Variants in ACTR2 observed in about 807,000 individuals in gnomAD.
ACTR2 encodes the protein actin-related protein 2.
Under a neutral mutation model 50.2 loss-of-function variants are expected in ACTR2, and 5 were observed. That is an observed-to-expected ratio of 0.10 (90% CI 0.05 to 0.21). The LOEUF (loss-of-function observed/expected upper bound fraction) is 0.21, where lower values mean the gene tolerates loss of function less well. Among genes scored for constraint, ACTR2 ranks in the 10% least tolerant of loss-of-function variants. The pLI is 1.00. For missense variants in ACTR2, 180 were observed against 480.6 expected, an observed-to-expected ratio of 0.37 and a Z score of 5.85; for synonymous variants, 140 against 162.9, an observed-to-expected ratio of 0.86 and a Z score of 1.07.
In ACTR2 at chr2:65,254,349, G is replaced by A. The variant is rs999795549; in HGVS notation, c.585+485G>A. The stretch of plus-strand genomic sequence containing the variant: ...TATTTGAGGAAAACAGCCCAAATAC[G>A]CCAGACTTTAATATTTAGTAGTTTT... On this transcript the variant is annotated intron_variant, in intron 5 of 8. Coordinates refer to ENST00000260641, the MANE Select transcript of ACTR2 (RefSeq NM_005722.4). 3.3e-5 allele frequency among the ~76,000 whole-genome samples: 5 copies of A among 152,062 alleles called. 1 individual carries two copies. In the East Asian group the frequency reaches 9.6e-4, roughly 29 times the overall value.
In ACTR2 at chr2:65,255,600, G is replaced by A; in HGVS notation, c.641G>A (p.Arg214His). 2 of 1,613,952 alleles carry A rather than the reference G, an allele frequency of 1.2e-6. No homozygotes were observed. Among genetic ancestry groups the A allele is most frequent in the South Asian group, 1.1e-5 (1 of 91,080 alleles). ...FNHSADFETV[R>H]MIKEKLCYVG... is the part of the protein sequence containing the mutation. ...CACTCTGCTGATTTTGAAACGGTTCGCATGATTAAAGAAAAACTGTGTTAC... is the reference window on the plus strand; with the variant it reads ...CACTCTGCTGATTTTGAAACGGTTCACATGATTAAAGAAAAACTGTGTTAC... Residue 214 changes from arginine (R) to histidine (H), a missense_variant, in exon 6 of 9, where the codon CGC becomes CAC. Physicochemically the swap from Arg to His is conservative, Grantham distance 29. Transcript: ENST00000260641.
chr2:65,244,566 G>A (rs186883565), intron 2 of ACTR2, among the ~76,000 whole-genome samples: 10 of 152,282 alleles, frequency 6.6e-5, no homozygotes, highest in Non-Finnish European at 1.2e-4. Context: ...GCAGATACCA[G>A]TATACTTCTC....
At chr2:65,250,182 G>A (rs1036366031) in intron 3 of ACTR2, among the ~76,000 whole-genome samples, 3 of 151,700 alleles carry the variant, frequency 2.0e-5, no homozygotes, top group African/African-American at 4.8e-5. Flanking sequence ...GGCTAACACG[G>A]TGAAACCCTG....
intron 1 of ACTR2, among the ~76,000 whole-genome samples, chr2:65,229,617 A>G (rs1362194483): frequency 6.6e-6 from 1 of 151,754 alleles, no homozygotes; most frequent in Non-Finnish European, 1.5e-5. Flanking sequence ...TTAGCCGGGC[A>G]TGGTGGTGGG....
In ACTR2 at chr2:65,227,863, G is replaced by T; in HGVS notation, c.-47G>T. On this transcript the variant is annotated 5_prime_UTR_variant, in exon 1 of 9. Coordinates refer to ENST00000260641, the MANE Select transcript of ACTR2 (RefSeq NM_005722.4). ...GAAGAAGAGAAAACGGCCGGGCGGCGGTGGCTGTAGGTTGTGCGGCTGCAG... is the reference window on the plus strand; with the variant it reads ...GAAGAAGAGAAAACGGCCGGGCGGCTGTGGCTGTAGGTTGTGCGGCTGCAG... 6.7e-7 allele frequency: 1 copy of T among 1,490,486 alleles called. No homozygotes were observed. The highest frequency in any genetic ancestry group is 8.9e-7 in the Non-Finnish European group (1 of 1,118,800). The allele number at this position is 1,490,486 out of a possible 1,614,324, so 92.3% of individuals were successfully genotyped here. A position where few individuals can be genotyped will look rare whatever the true frequency, so the allele number is the denominator to read the frequency against.
intron 4 of ACTR2, among the ~76,000 whole-genome samples, chr2:65,252,175 A>C (rs1672064417): frequency 6.6e-6 from 1 of 152,034 alleles, no homozygotes; most frequent in Non-Finnish European, 1.5e-5. Flanking sequence ...AAATTCTTGC[A>C]TTAGTCAGTG....
chr2:65,227,997 C>T, intron 1 of ACTR2, 40 bp downstream of exon 1: 6 of 1,476,684 alleles, frequency 4.1e-6, no homozygotes, highest in Non-Finnish European at 5.4e-6. Context: ...CCACAGACGC[C>T]GGCGGGGACG....
Position 65,268,581 on chromosome 2 carries a change from T to C in ACTR2, c.1032T>C (p.Ile344=). 3.1e-6 allele frequency: 5 copies of C among 1,613,344 alleles called. No individual in the cohort carries two copies. Among genetic ancestry groups the C allele is most frequent in the African/African-American group, 1.3e-5 (1 of 74,968 alleles). ...VEKLSKFKIR[I]EDPPRRKHMV... ...TCCTTTAGAAATTTAAGATCCGCAT[T>C]GAAGACCCACCCCGCAGAAAGCACA... Residue 344 remains isoleucine, a synonymous_variant, in exon 9 of 9, where the codon ATT becomes ATC. Transcript: ENST00000260641.
At chr2:65,266,010 C>CT (rs1672366545) in intron 8 of ACTR2, among the ~76,000 whole-genome samples, 1 of 152,132 alleles carries the variant, frequency 6.6e-6, no homozygotes, top group African/African-American at 2.4e-5. Flanking sequence ...GCCATACTGT[C>CT]TAAGTACTTC....
rs932255802 is a variant in ACTR2 at position 65,249,945 on chromosome 2, TTTTC to T, written c.376-1066_376-1063del. Reference sequence around the variant, plus strand: ...GTGGCATTTTACTGGGTTTTTTATTTTTTCTTTCTTTCTTTCTTTTAATTTTTAA... The same window carrying T: ...GTGGCATTTTACTGGGTTTTTTATTTTTTCTTTCTTTCTTTTAATTTTTAA... On this transcript the variant is annotated intron_variant, in intron 3 of 8. Transcript: ENST00000260641. Among the ~76,000 whole-genome samples the T allele has an allele frequency of 3.3e-5, 5 of 152,302 alleles. No homozygotes were observed. In the East Asian group the frequency reaches 9.6e-4, roughly 29 times the overall value.
At chr2:65,229,750 C>CAAAAA (rs57953942) in intron 1 of ACTR2, among the ~76,000 whole-genome samples, 5 of 54,010 alleles carry the variant, frequency 9.3e-5, no homozygotes, top group South Asian at 6.4e-4. Context: ...GACTCCGTCT[C>CAAAAA]AAAAAAAAAA....
intron 6 of ACTR2, among the ~76,000 whole-genome samples, chr2:65,258,965 CCTT>C (rs1672207208): frequency 6.6e-6 from 1 of 151,748 alleles, no homozygotes; most frequent in Non-Finnish European, 1.5e-5. Context: ...GTTTTGGTAA[CCTT>C]TTTTTTTTCT....
intron 6 of ACTR2, among the ~76,000 whole-genome samples, chr2:65,258,590 AAAAC>A (rs1672198131): frequency 6.6e-6 from 1 of 152,134 alleles, no homozygotes; most frequent in Non-Finnish European, 1.5e-5. Flanking sequence ...CCCTGTCTCA[AAAAC>A]AAAACAAAAT....
Position 65,227,837 on chromosome 2 carries a change from G to C in ACTR2, c.-73G>C, listed in dbSNP as rs1671555053. 2.0e-6 allele frequency: 3 copies of C among 1,470,024 alleles called. No homozygotes were observed. Among genetic ancestry groups the C allele is most frequent in the Non-Finnish European group, 2.7e-6 (3 of 1,105,346 alleles). The allele number at this position is 1,470,024 out of a possible 1,614,324, so 91.1% of individuals were successfully genotyped here. ...AAGGAGGGGCCGGGAAGACGCAAGA[G>C]GAAGAAGAGAAAACGGCCGGGCGGC... On this transcript the variant is annotated 5_prime_UTR_variant, in exon 1 of 9. Transcript: ENST00000260641.
At chr2:65,240,810 T>G (rs1671827926) in intron 2 of ACTR2, among the ~76,000 whole-genome samples, 1 of 152,198 alleles carries the variant, frequency 6.6e-6, no homozygotes, top group South Asian at 2.1e-4. Flanking sequence ...TGGATAGTCT[T>G]TAGCAAGCCT....
chr2:65,246,979 T>A, intron 3 of ACTR2, among the ~76,000 whole-genome samples: 1 of 151,966 alleles, frequency 6.6e-6, no homozygotes, highest in Admixed American at 6.6e-5. Context: ...ACCAAAAAAA[T>A]TAAGTTTTTA....
chr2:65,265,750 G>A (rs2104023804), intron 8 of ACTR2, among the ~76,000 whole-genome samples: 1 of 152,218 alleles, frequency 6.6e-6, no homozygotes, highest in South Asian at 2.1e-4. Context: ...TTTGGCATAG[G>A]TTTTTGTGTT....
intron 2 of ACTR2, among the ~76,000 whole-genome samples, chr2:65,243,280 A>G (rs2103993414): frequency 6.6e-6 from 1 of 152,256 alleles, no homozygotes; most frequent in African/African-American, 2.4e-5. Context: ...CCATCTCAAA[A>G]AAAAGAAAAG....
At chr2:65,246,818 G>A (rs1671946980) in intron 3 of ACTR2, 79 bp downstream of exon 3, 2 of 995,352 alleles carry the variant, frequency 2.0e-6, no homozygotes, top group Non-Finnish European at 3.0e-6. Flanking sequence ...CTGTTGCTAT[G>A]GATAAAGAGA....
Sources: gnomAD v4.1 joint callset for allele counts (sites outside exome capture counted in the v4.1 genomes callset) on GRCh38, gnomAD v4.1.1 for gene constraint, MANE v1.5 for transcripts, NCBI Gene and HGNC (gene_info 2026-07-23, HGNC 2026-07-21) for gene names.